KCNQ1: variants seen among roughly 807,000 people sequenced by gnomAD.
KCNQ1 encodes the protein potassium voltage-gated channel subfamily Q member 1, also known as potassium voltage-gated channel subfamily KQT member 1.
Under a neutral mutation model 72.4 loss-of-function variants are expected in KCNQ1, and 49 were observed. That is an observed-to-expected ratio of 0.68 (90% CI 0.54 to 0.86). The LOEUF is 0.86. Ranked by LOEUF, KCNQ1 falls within the 40% of genes least tolerant of loss-of-function variation. The pLI, the probability that KCNQ1 is intolerant of heterozygous loss-of-function variation, is 0.00. For synonymous variants in KCNQ1, 450 were observed against 412.6 expected (o/e 1.09, Z -1.10); for missense variants, 790 against 945.1 (o/e 0.84, Z 2.15).
In KCNQ1 at chr11:2,720,388, TGA is replaced by T. The variant is rs1399813631; in HGVS notation, c.1515-48454_1515-48453del. Among the ~76,000 whole-genome samples, 2 of 152,172 alleles carry T rather than the reference TGA, an allele frequency of 1.3e-5. No homozygotes were observed. The highest frequency in any genetic ancestry group is 2.9e-5 in the Non-Finnish European group (2 of 68,030). On this transcript the variant is annotated intron_variant, in intron 11 of 15. Transcript: ENST00000155840. This position sits in a 1 kb window ranked among gnomAD's most constrained non-coding sequence, Gnocchi z 5.1. ...GGCTACAGTCAGGCCTCCTTCGTGC[TGA>T]GCATGTGCTGGCCCTGCCTGGGGAC...
intron 10 of KCNQ1, among the ~76,000 whole-genome samples, chr11:2,591,760 C>T (rs190834236): frequency 7.9e-5 from 12 of 152,378 alleles, no homozygotes; most frequent in Admixed American, 2.0e-4. Context: ...TGCTCCTCCA[C>T]GGAGAAGATT....
chr11:2,568,425 C>T lies in KCNQ1; in HGVS notation c.478-2203C>T, dbSNP rs144488537. Among the ~76,000 whole-genome samples, 284 of 152,338 alleles carry T rather than the reference C, an allele frequency of 1.9e-3. 1 individual carries two copies. The highest frequency in any genetic ancestry group is 6.5e-3 in the African/African-American group (269 of 41,592). ...CAAGGCCACCAATAGTCGGGTGAGCCGGCCTCTGTGCCGTCATGGGCACCC... is the reference window on the plus strand; with the variant it reads ...CAAGGCCACCAATAGTCGGGTGAGCTGGCCTCTGTGCCGTCATGGGCACCC... On this transcript the variant is annotated intron_variant, in intron 2 of 15. Transcript: ENST00000155840.
intron 11 of KCNQ1, among the ~76,000 whole-genome samples, chr11:2,721,465 G>T (rs552056409): frequency 1.3e-5 from 2 of 152,254 alleles, no homozygotes; most frequent in Admixed American, 6.5e-5. Context: ...TCTCCAGCTC[G>T]CAAGAGGGGC....
rs1055085278 is a variant in KCNQ1, at chr11:2,539,051, G to A, written c.477+11033G>A. Among the ~76,000 whole-genome samples, 6 of 152,302 alleles carry A rather than the reference G, an allele frequency of 3.9e-5. No individual in the cohort carries two copies. In the South Asian group the frequency reaches 6.2e-4, roughly 16 times the overall value. Reference sequence around the variant, plus strand: ...AGGAACCTGGGGCTTCAAGGGAGGCGGTCTCAGCCCATGGTGCTCCGGCCA... The same window carrying A: ...AGGAACCTGGGGCTTCAAGGGAGGCAGTCTCAGCCCATGGTGCTCCGGCCA... On this transcript the variant is annotated intron_variant, in intron 2 of 15. Coordinates refer to ENST00000155840, the MANE Select transcript of KCNQ1 (RefSeq NM_000218.3).
intron 15 of KCNQ1, among the ~76,000 whole-genome samples, chr11:2,778,278 G>A (rs56305460): frequency 2.4e-4 from 36 of 152,356 alleles, no homozygotes; most frequent in Non-Finnish European, 3.5e-4. Context: ...GACAAGTGGC[G>A]TCTTTACTGG....
At chr11:2,751,643 G>A (rs963726287) in intron 11 of KCNQ1, among the ~76,000 whole-genome samples, 3 of 152,276 alleles carry the variant, frequency 2.0e-5, no homozygotes, top group African/African-American at 7.2e-5. Context: ...CGGCTGTTCT[G>A]AGAGCGGTGG....
intron 15 of KCNQ1, among the ~76,000 whole-genome samples, chr11:2,788,044 C>T (rs1417250172): frequency 2.6e-5 from 4 of 152,096 alleles, no homozygotes; most frequent in African/African-American, 9.7e-5. Flanking sequence ...AGGCCAGCCC[C>T]AAGGAAATGC....
At chr11:2,646,763 G>A (rs955765843) in intron 10 of KCNQ1, 4 of 398,396 alleles carry the variant, frequency 1.0e-5, no homozygotes, top group Non-Finnish European at 8.8e-6. Context: ...CAATCCACCC[G>A]CCTCATCCTT....
intron 1 of KCNQ1, chr11:2,521,371 G>A (rs1222335867): frequency 5.2e-6 from 2 of 383,130 alleles, no homozygotes; most frequent in Admixed American, 2.9e-5. Flanking sequence ...CTGGCACTGT[G>A]TGTTATCCGG....
At position 2,481,684 on chromosome 11, in the gene KCNQ1, G is replaced by T. The variant is rs543200754; in HGVS notation, c.386+36200G>T. Among the ~76,000 whole-genome samples, 19 of 152,138 alleles carry T rather than the reference G, an allele frequency of 1.2e-4. No individual in the cohort carries two copies. Among genetic ancestry groups the T allele is most frequent in the Non-Finnish European group, 2.2e-4 (15 of 68,020 alleles). On this transcript the variant is annotated intron_variant, in intron 1 of 15. Coordinates refer to ENST00000155840, the MANE Select transcript of KCNQ1 (RefSeq NM_000218.3). The surrounding 1 kb of genome is among the most constrained non-coding windows in gnomAD (Gnocchi z 4.6). The stretch of plus-strand genomic sequence containing the variant: ...CAGTGGCGGCATTAGATTCTCACAG[G>T]GGTGTGTACCCTGTTGCAAACTATG...
intron 11 of KCNQ1, among the ~76,000 whole-genome samples, chr11:2,719,165 G>T (rs1172644087): frequency 0.013 from 1 of 78 alleles, no homozygotes; most frequent in Non-Finnish European, 0.029. Context: ...CAGGCTTCTT[G>T]TCTCTCATTG....
At position 2,847,104 on chromosome 11, in the gene KCNQ1, C is replaced by A. The variant is rs914328799; in HGVS notation, c.1795-663C>A. On this transcript the variant is annotated intron_variant, in intron 15 of 15. Coordinates refer to ENST00000155840, the MANE Select transcript of KCNQ1 (RefSeq NM_000218.3). ...TCCTGGGGGATGACAAAAAAACCCA[C>A]CCCCACCCCCTTGCAGAAAGCATCA... is the stretch of plus-strand genomic sequence containing the variant. Among the ~76,000 whole-genome samples the A allele has an allele frequency of 4.6e-5, 7 of 151,558 alleles. No homozygotes were observed. In the South Asian group the frequency reaches 6.2e-4, roughly 14 times the overall value.
At chr11:2,751,054 C>T (rs1489488093) in intron 11 of KCNQ1, among the ~76,000 whole-genome samples, 1 of 152,196 alleles carries the variant, frequency 6.6e-6, no homozygotes, top group Non-Finnish European at 1.5e-5. Flanking sequence ...CAGCCTCAGA[C>T]CTGTAGGCCC....
chr11:2,561,910 C>T (rs1233445644), intron 2 of KCNQ1, among the ~76,000 whole-genome samples: 1 of 151,856 alleles, frequency 6.6e-6, no homozygotes, highest in Non-Finnish European at 1.5e-5. Flanking sequence ...CACTCAAGGT[C>T]ACGGGCTGCA....
rs533282926 is a variant in KCNQ1 at position 2,493,655 on chromosome 11, T to C, written c.387-34273T>C. ...TCAGGTTGGTCAAAGATCAGATGAT[T>C]TTAGGTGAGTGGTGTTATTTCTGAG... is the stretch of plus-strand genomic sequence containing the variant. On this transcript the variant is annotated intron_variant, in intron 1 of 15. Transcript: ENST00000155840. The surrounding 1 kb of genome is among the most constrained non-coding windows in gnomAD (Gnocchi z 5.3). 6.6e-6 allele frequency among the ~76,000 whole-genome samples: 1 copy of C among 152,140 alleles called. No homozygotes were observed. The highest frequency in any genetic ancestry group is 1.5e-5 in the Non-Finnish European group (1 of 68,016).
chr11:2,672,216 C>T (rs1850196113), intron 11 of KCNQ1: 1 of 398,638 alleles, frequency 2.5e-6, no homozygotes. Context: ...AAATTGAATT[C>T]CTTCCAGTCC....
chr11:2,611,013 T>C lies in KCNQ1; in HGVS notation c.1393+22159T>C. On this transcript the variant is annotated intron_variant, in intron 10 of 15. Coordinates refer to ENST00000155840, the MANE Select transcript of KCNQ1 (RefSeq NM_000218.3). The surrounding 1 kb of genome is among the most constrained non-coding windows in gnomAD (Gnocchi z 5.3). ...GTTGAGTTGTCTATTATTGTTCAGT[T>C]GTCTGTTTCTCTCTTCATTTCTGAC... The C allele has an allele frequency of 2.5e-6, 1 of 398,488 alleles. No homozygotes were observed. Among genetic ancestry groups the C allele is most frequent in the Admixed American group, 4.4e-5 (1 of 22,724 alleles). 24.7% of individuals were successfully genotyped at this position (398,488 alleles called of 1,614,324 possible).
At position 2,526,737 on chromosome 11, in the gene KCNQ1, A is replaced by C. The variant is rs1847515488; in HGVS notation, c.387-1191A>C. Among the ~76,000 whole-genome samples the C allele has an allele frequency of 6.6e-6, 1 of 151,702 alleles. No homozygotes were observed. The highest frequency in any genetic ancestry group is 1.5e-5 in the Non-Finnish European group (1 of 67,916). ...AGAGGATGGGTTCTGGGTGGGGCTGACTTCAGGAGGCTGGATGAGAGGCAA... is the reference window on the plus strand; with the variant it reads ...AGAGGATGGGTTCTGGGTGGGGCTGCCTTCAGGAGGCTGGATGAGAGGCAA... On this transcript the variant is annotated intron_variant, in intron 1 of 15. Transcript: ENST00000155840. The surrounding 1 kb of genome is among the most constrained non-coding windows in gnomAD (Gnocchi z 6.1).
chr11:2,546,845 A>G (rs556432966), intron 2 of KCNQ1, among the ~76,000 whole-genome samples: 296 of 151,920 alleles, frequency 1.9e-3, no homozygotes, highest in African/African-American at 6.9e-3. Context: ...TGTCATTATG[A>G]AACTGCCTCT....
Sources: gnomAD v4.1 joint callset for allele counts (sites outside exome capture counted in the v4.1 genomes callset) on GRCh38, gnomAD v4.1.1 for gene constraint, Gnocchi (gnomAD v3.1) non-coding constraint, MANE v1.5 for transcripts, NCBI Gene and HGNC (gene_info 2026-07-23, HGNC 2026-07-21) for gene names.